Variants in LRFN5 observed in about 807,000 individuals in gnomAD.
The protein encoded by LRFN5 is leucine-rich repeat and fibronectin type-III domain-containing protein 5.
LRFN5 carries 24 observed loss-of-function variants against 45.6 expected under a neutral mutation model. The ratio of observed to expected loss-of-function variants is 0.53; its 90% CI spans 0.38 to 0.74. The LOEUF (loss-of-function observed/expected upper bound fraction) is 0.74. LRFN5 is among the 30% of genes least tolerant of loss of function. LRFN5 has a pLI of 0.00. For missense variants in LRFN5, 776 were observed against 861.5 expected, an observed-to-expected ratio of 0.90 and a Z score of 1.24; for synonymous variants, 340 against 313.8, an observed-to-expected ratio of 1.08 and a Z score of -0.88.
Position 41,885,155 on chromosome 14 carries a change from C to CAAA in LRFN5, c.-20-1433_-20-1431dup, listed in dbSNP as rs56318694. 6.6e-4 allele frequency among the ~76,000 whole-genome samples: 86 copies of CAAA among 129,476 alleles called. 1 individual carries two copies. The South Asian group carries it at 0.011, about 17-fold the overall frequency. 84.9% of individuals were successfully genotyped at this position (129,476 alleles called of 152,430 possible). On this transcript the variant is annotated intron_variant, in intron 2 of 5. Coordinates refer to ENST00000298119, the MANE Select transcript of LRFN5 (RefSeq NM_152447.5). ...TCCAGGAGTTTGAGCCCTGTCTCTA[C>CAAA]AAAAAAAAAAAAAAAAAAAATTACC...
At chr14:41,868,843 T>A (rs1421424964) in intron 2 of LRFN5, among the ~76,000 whole-genome samples, 1 of 152,176 alleles carries the variant, frequency 6.6e-6, no homozygotes, top group Non-Finnish European at 1.5e-5. Flanking sequence ...ATGACTGCCA[T>A]GCAGCCTGCT....
At chr14:41,706,038 T>A (rs950179493) in intron 1 of LRFN5, among the ~76,000 whole-genome samples, 8 of 152,176 alleles carry the variant, frequency 5.3e-5, no homozygotes, top group African/African-American at 1.9e-4. Context: ...CACATTGATA[T>A]CACTTATGCT....
chr14:41,814,770 GACAAAT>G (rs33919747), intron 2 of LRFN5, among the ~76,000 whole-genome samples: 4,551 of 152,202 alleles, frequency 0.03, 242 homozygotes, highest in African/African-American at 0.1. Flanking sequence ...GTATATGTTA[GACAAAT>G]GGACAAATTG....
chr14:41,676,979 A>G (rs1414757871), intron 1 of LRFN5, among the ~76,000 whole-genome samples: 2 of 152,224 alleles, frequency 1.3e-5, no homozygotes, highest in African/African-American at 2.4e-5. Flanking sequence ...GATATGTGCT[A>G]TCAGCCTGCA....
intron 2 of LRFN5, among the ~76,000 whole-genome samples, chr14:41,803,389 T>C (rs1887406593): frequency 6.6e-6 from 1 of 152,022 alleles, no homozygotes; most frequent in Non-Finnish European, 1.5e-5. Flanking sequence ...TCACACTCTG[T>C]CACCCAGGTT....
At chr14:41,849,570 T>G (rs527636988) in intron 2 of LRFN5, among the ~76,000 whole-genome samples, 2 of 152,068 alleles carry the variant, frequency 1.3e-5, no homozygotes, top group South Asian at 4.1e-4. Flanking sequence ...TTTCTATATA[T>G]TCTCCTACTC....
chr14:41,823,823 A>T (rs894174648), intron 2 of LRFN5, among the ~76,000 whole-genome samples: 1 of 152,270 alleles, frequency 6.6e-6, no homozygotes. Flanking sequence ...CATAGTTTTG[A>T]ACACTTTACA....
chr14:41,704,529 G>A (rs1025705760), intron 1 of LRFN5, among the ~76,000 whole-genome samples: 1 of 151,412 alleles, frequency 6.6e-6, no homozygotes, highest in Non-Finnish European at 1.5e-5. Flanking sequence ...GGCAATCATA[G>A]TGTACCACAG....
At chr14:41,712,593 A>G (rs1156244496) in intron 1 of LRFN5, among the ~76,000 whole-genome samples, 1 of 152,154 alleles carries the variant, frequency 6.6e-6, no homozygotes, top group Non-Finnish European at 1.5e-5. Context: ...AATAGCCAAG[A>G]CATATTTCTT....
intron 1 of LRFN5, among the ~76,000 whole-genome samples, chr14:41,676,016 G>A (rs1665300115): frequency 6.6e-6 from 1 of 152,154 alleles, no homozygotes; most frequent in Non-Finnish European, 1.5e-5. Context: ...ATGGGTGTGA[G>A]CAACCAAGAA....
rs1891072304 is a variant in LRFN5, at chr14:41,900,559, C to CTTAATA, written c.2142+1599_2142+1600insTTAATA. ...ACTGTCATATATTATAGAAAACTTC[C>CTTAATA]CTTCATACTTAAGCTACCTTGTTCC... is the stretch of plus-strand genomic sequence containing the variant. On this transcript the variant is annotated intron_variant, in intron 5 of 5. Transcript: ENST00000298119. Among the ~76,000 whole-genome samples the CTTAATA allele has an allele frequency of 2.6e-5, 4 of 151,926 alleles. No homozygotes were observed. The East Asian group carries it at 5.8e-4, about 22-fold the overall frequency.
intron 4 of LRFN5, chr14:41,895,040 T>C (rs1890894780): frequency 3.0e-6 from 3 of 984,744 alleles, no homozygotes; most frequent in Non-Finnish European, 2.4e-6. Flanking sequence ...TAGTTTCAGC[T>C]TGTTCAATGT....
At chr14:41,620,343 G>A (rs1888077678) in intron 1 of LRFN5, among the ~76,000 whole-genome samples, 1 of 152,028 alleles carries the variant, frequency 6.6e-6, no homozygotes. Context: ...GTTGTTTAGG[G>A]TTTTGAAGTA....
intron 5 of LRFN5, among the ~76,000 whole-genome samples, chr14:41,903,017 A>C (rs1250580534): frequency 6.6e-6 from 1 of 151,714 alleles, no homozygotes; most frequent in Non-Finnish European, 1.5e-5. Flanking sequence ...CTTTTTAAAA[A>C]GTAATTCTTT....
chr14:41,781,596 GAAA>G (rs1886505992), intron 2 of LRFN5, among the ~76,000 whole-genome samples: 5 of 85,732 alleles, frequency 5.8e-5, no homozygotes, highest in Admixed American at 1.2e-4. Flanking sequence ...AAGAAAGAAA[GAAA>G]GAAAGAAAGA....
At chr14:41,753,139 A>G (rs1885213160) in intron 1 of LRFN5, among the ~76,000 whole-genome samples, 1 of 152,018 alleles carries the variant, frequency 6.6e-6, no homozygotes, top group African/African-American at 2.4e-5. Flanking sequence ...CTGTTTTGGT[A>G]CCAGTACCAT....
At chr14:41,627,746 G>A (rs1289053499) in intron 1 of LRFN5, among the ~76,000 whole-genome samples, 1 of 152,080 alleles carries the variant, frequency 6.6e-6, no homozygotes, top group South Asian at 2.1e-4. Flanking sequence ...CATTTGAATG[G>A]GGCTAATTAT....
intron 2 of LRFN5, among the ~76,000 whole-genome samples, chr14:41,859,031 T>C (rs1488625396): frequency 6.6e-6 from 1 of 152,112 alleles, no homozygotes; most frequent in African/African-American, 2.4e-5. Context: ...TTTTGGAAAA[T>C]GTATATTAAT....
At chr14:41,785,173 T>G (rs1231390360) in intron 2 of LRFN5, among the ~76,000 whole-genome samples, 1 of 152,170 alleles carries the variant, frequency 6.6e-6, no homozygotes, top group South Asian at 2.1e-4. Flanking sequence ...GTCTTTCTTT[T>G]AGCGGACATA....
Sources: gnomAD v4.1 joint callset for allele counts (sites outside exome capture counted in the v4.1 genomes callset) on GRCh38, gnomAD v4.1.1 for gene constraint, MANE v1.5 for transcripts, NCBI Gene and HGNC (gene_info 2026-07-23, HGNC 2026-07-21) for gene names.